The following DPP4 variants were observed in gnomAD, a reference collection of about 807,000 sequenced individuals.
DPP4 encodes the protein dipeptidyl peptidase 4, also known as ADCP-2.
A neutral mutation model predicts 122.4 loss-of-function variants in DPP4; 93 were observed. The observed-to-expected ratio is 0.76, with a 90% CI of 0.64 to 0.90. DPP4 has a LOEUF of 0.90. Among genes scored for constraint, DPP4 ranks in the 40% least tolerant of loss-of-function variants. DPP4 has a pLI of 0.00. For synonymous variants in DPP4, 321 were observed against 302.9 expected (o/e 1.06, Z -0.62); for missense variants, 914 against 907.3 (o/e 1.01, Z -0.09).
chr2:162,027,735 C>T (rs1361479932), intron 10 of DPP4, among the ~76,000 whole-genome samples: 1 of 152,150 alleles, frequency 6.6e-6, no homozygotes, highest in Non-Finnish European at 1.5e-5. Context: ...AATTAAACAT[C>T]AGGTTCAGAA....
chr2:162,052,318 CAAAAAAA>C (rs35326408), intron 2 of DPP4, among the ~76,000 whole-genome samples: 2 of 64,762 alleles, frequency 3.1e-5, no homozygotes, highest in African/African-American at 6.5e-5. Context: ...AACTCCATCT[CAAAAAAA>C]AAAAAAAAAA....
Position 162,020,641 on chromosome 2 carries a change from G to C in DPP4, c.1116C>G (p.Tyr372Ter). The change falls in exon 13 of 26, where the codon TAC (tyrosine) becomes TAG (stop). Residue 372 changes from tyrosine to a stop codon, truncating the protein, a stop_gained. Coordinates refer to ENST00000360534, the MANE Select transcript of DPP4 (RefSeq NM_001935.4). LOFTEE classifies it high-confidence loss of function. ...PHFTLDGNSF[Y>*]KIISNEEGYR... Reference sequence around the variant, plus strand: ...AACCTTCTTCATTGCTGATGATCTTGTAGAAGCTATTACCATCAAGGGTAA... The same window carrying C: ...AACCTTCTTCATTGCTGATGATCTTCTAGAAGCTATTACCATCAAGGGTAA... 1 of 1,612,674 alleles carries C rather than the reference G, an allele frequency of 6.2e-7. No individual in the cohort carries two copies. The highest frequency in any genetic ancestry group is 8.5e-7 in the Non-Finnish European group (1 of 1,179,608).
chr2:162,071,744 T>C (rs1685125482), intron 2 of DPP4, among the ~76,000 whole-genome samples: 1 of 152,210 alleles, frequency 6.6e-6, no homozygotes, highest in Non-Finnish European at 1.5e-5. Flanking sequence ...TTGGAGAAGA[T>C]ACCAGGTGCT....
intron 1 of DPP4, chr2:162,073,731 G>T (rs1404649771): frequency 2.9e-6 from 2 of 684,572 alleles, no homozygotes; most frequent in Non-Finnish European, 4.9e-6. Context: ...GCCCGGGTTC[G>T]GGCGTGCGTT....
chr2:162,008,610 A>C lies in DPP4; in HGVS notation c.1939T>G (p.Phe647Val), dbSNP rs1385118181. The C allele has an allele frequency of 1.2e-6, 2 of 1,613,678 alleles. No homozygotes were observed. The highest frequency in any genetic ancestry group is 1.7e-6 in the Non-Finnish European group (2 of 1,179,732). Residue 647 changes from phenylalanine to valine, a missense_variant, in exon 22 of 26, where the codon TTC becomes GTC. Physicochemically the swap from Phe to Val is conservative, Grantham distance 50. Coordinates refer to ENST00000360534, the MANE Select transcript of DPP4 (RefSeq NM_001935.4). Reference protein sequence around the residue: ...SMVLGSGSGVFKCGIAVAPVS... With the variant: ...SMVLGSGSGVVKCGIAVAPVS... The stretch of plus-strand genomic sequence containing the variant: ...GGCGCCACGGCTATTCCACACTTGA[A>C]CACGCCACTTCCCGATCCCAGGACC...
At chr2:162,059,997 T>G (rs1239603899) in intron 2 of DPP4, among the ~76,000 whole-genome samples, 1 of 152,200 alleles carries the variant, frequency 6.6e-6, no homozygotes, top group East Asian at 1.9e-4. Flanking sequence ...ATAAGGAGAC[T>G]GAGGCACAGA....
chr2:162,021,658 A>G (rs1476885072), intron 12 of DPP4: 1 of 152,250 alleles, frequency 6.6e-6, no homozygotes. Flanking sequence ...TTTGAAACAC[A>G]TTCCCCTCTC....
intron 2 of DPP4, 77 bp downstream of exon 2, chr2:162,073,322 C>G: frequency 2.0e-6 from 3 of 1,479,888 alleles, no homozygotes; most frequent in Non-Finnish European, 1.9e-6. Flanking sequence ...CAAAATCCCT[C>G]GTTTCCCTTA....
rs754907411 is a variant in DPP4, at chr2:162,033,586, T to C, written c.842A>G (p.Asn281Ser). ...VNTDSLSSVT[N>S]ATSIQITAPA... ...AGCAGTGATTTGTATGGAAGTTGCA[T>C]TGGTGACTGAGCTGAGAGAGTCTGT... The change falls in exon 10 of 26, where the codon AAT becomes AGT. Residue 281 changes from asparagine (N) to serine (S), a missense_variant. Transcript: ENST00000360534. The C allele has an allele frequency of 3.7e-6, 6 of 1,613,560 alleles. No homozygotes were observed. The South Asian group carries it at 4.4e-5, about 12-fold the overall frequency.
chr2:162,015,836 A>G (rs766496610), intron 18 of DPP4, among the ~76,000 whole-genome samples: 4 of 152,152 alleles, frequency 2.6e-5, no homozygotes, highest in African/African-American at 4.8e-5. Context: ...CAGGTTGTCA[A>G]TGTTAGCTCT....
At position 162,005,796 on chromosome 2, in the gene DPP4, T is replaced by C; in HGVS notation, c.2001A>G (p.Thr667=). ...SRWEYYDSVY[T]ERYMGLPTPE... ...GAGTTGGGAGACCCATGTAACGTTC[T>C]GTGTACACTGAGTCTGTGAAAGAAA... The change falls in exon 23 of 26, where the codon ACA becomes ACG. Residue 667 remains threonine, a synonymous_variant. Coordinates refer to ENST00000360534, the MANE Select transcript of DPP4 (RefSeq NM_001935.4). 1 of 1,612,796 alleles carries C rather than the reference T, an allele frequency of 6.2e-7. No individual in the cohort carries two copies. The highest frequency in any genetic ancestry group is 8.5e-7 in the Non-Finnish European group (1 of 1,179,430).
Position 162,016,687 on chromosome 2 carries a change from CA to C in DPP4, c.1567+80del, listed in dbSNP as rs1253278067. The C allele has an allele frequency of 1.0e-5, 9 of 865,090 alleles. No homozygotes were observed. In the East Asian group the frequency reaches 2.3e-4, roughly 22 times the overall value. The allele number at this position is 865,090 out of a possible 1,614,324, so 53.6% of individuals were successfully genotyped here. On this transcript the variant is annotated intron_variant, in intron 18 of 25. Coordinates refer to ENST00000360534, the MANE Select transcript of DPP4 (RefSeq NM_001935.4). ...TTAGATTTATATATAATATGAAATA[CA>C]TATTTTCAGATCGAATTACTATAGT... is the stretch of plus-strand genomic sequence containing the variant.
intron 10 of DPP4, chr2:162,032,307 T>A (rs888435718): frequency 2.0e-5 from 3 of 152,264 alleles, no homozygotes; most frequent in African/African-American, 4.8e-5. Context: ...AAAGACAGAC[T>A]GACTTTAAAG....
intron 2 of DPP4, among the ~76,000 whole-genome samples, chr2:162,048,291 A>G (rs993686730): frequency 3.3e-5 from 5 of 152,254 alleles, no homozygotes; most frequent in Admixed American, 2.0e-4. Context: ...CACCATGCCC[A>G]TCTAATTGAC....
chr2:162,038,682 T>C (rs1047321341), intron 7 of DPP4, among the ~76,000 whole-genome samples: 2 of 152,158 alleles, frequency 1.3e-5, no homozygotes, highest in Non-Finnish European at 1.5e-5. Context: ...TGCTAAAGTA[T>C]ATGAGAAGAC....
At chr2:162,042,258 A>C (rs969357346) in intron 5 of DPP4, among the ~76,000 whole-genome samples, 3 of 152,252 alleles carry the variant, frequency 2.0e-5, no homozygotes, top group Non-Finnish European at 4.4e-5. Context: ...AATGCATGAG[A>C]AGCACTTAGC....
chr2:161,996,352 T>TAA (rs1478110553), intron 23 of DPP4, among the ~76,000 whole-genome samples: 1 of 152,204 alleles, frequency 6.6e-6, no homozygotes, highest in African/African-American at 2.4e-5. Context: ...TCCATGGGTT[T>TAA]AAAAGCAGCC....
chr2:162,008,946 C>T (rs890514093), intron 21 of DPP4, among the ~76,000 whole-genome samples: 12 of 152,084 alleles, frequency 7.9e-5, no homozygotes, highest in African/African-American at 2.7e-4. Context: ...AACAATAACA[C>T]GAAATCTTTA....
chr2:162,020,206 C>G, intron 14 of DPP4, 23 bp downstream of exon 14: 1 of 1,592,990 alleles, frequency 6.3e-7, no homozygotes, highest in South Asian at 1.1e-5. Flanking sequence ...GGTTTATATC[C>G]TATCAATTGT....
Sources: allele counts gnomAD v4.1 joint callset (sites outside exome capture counted in the v4.1 genomes callset), GRCh38; gene constraint gnomAD v4.1.1; transcripts MANE v1.5; gene names NCBI Gene and HGNC (gene_info 2026-07-23, HGNC 2026-07-21).